Variants in SYN2 observed in about 807,000 individuals in gnomAD.
SYN2 encodes the protein synapsin-2.
In SYN2, 19 loss-of-function variants were observed where a neutral mutation model predicts 50.9. The ratio of observed to expected loss-of-function variants is 0.37; its 90% CI spans 0.26 to 0.55. The LOEUF is 0.55. Ranked by LOEUF, SYN2 falls within the 20% of genes least tolerant of loss-of-function variation. The pLI, the probability that SYN2 is intolerant of heterozygous loss-of-function variation, is 0.81. For missense variants in SYN2, 587 were observed against 576.4 expected, an observed-to-expected ratio of 1.02 and a Z score of -0.19; for synonymous variants, 255 against 224.9, an observed-to-expected ratio of 1.13 and a Z score of -1.20.
At chr3:12,155,357 A>G (rs907767958) in intron 5 of SYN2, among the ~76,000 whole-genome samples, 2 of 152,226 alleles carry the variant, frequency 1.3e-5, no homozygotes, top group Non-Finnish European at 2.9e-5. Context: ...ATTTCCATCT[A>G]TGGAAGGAGT....
Position 12,187,419 on chromosome 3 carries a change from C to G in SYN2, c.1420C>G (p.Pro474Ala). 1.3e-6 allele frequency: 2 copies of G among 1,551,922 alleles called. No homozygotes were observed. Among genetic ancestry groups the G allele is most frequent in the Non-Finnish European group, 1.7e-6 (2 of 1,146,906 alleles). ...GCAGCCCCCAGGCAAGGTGCTGCCT[C>G]CACGCCGGCTCCCCCCTGGACCATC... ...GMQPPGKVLP[P>A]RRLPPGPSLP... Residue 474 changes from proline (P) to alanine (A), a missense_variant, in exon 12 of 13, where the codon CCA (proline) becomes GCA (alanine). Coordinates refer to ENST00000621198, the MANE Select transcript of SYN2 (RefSeq NM_133625.6).
intron 5 of SYN2, chr3:12,157,315 C>G: frequency 1.4e-6 from 2 of 1,469,944 alleles, no homozygotes; most frequent in Admixed American, 3.6e-5. Context: ...GCTACCAGCC[C>G]TCCCAGAACA....
chr3:12,113,023 C>T (rs1290346487), intron 1 of SYN2, among the ~76,000 whole-genome samples: 2 of 152,100 alleles, frequency 1.3e-5, no homozygotes, highest in African/African-American at 2.4e-5. Flanking sequence ...AGTGCCTGTT[C>T]TTTTGAGTGA....
intron 5 of SYN2, chr3:12,156,823 T>A: frequency 1.2e-6 from 2 of 1,613,498 alleles, no homozygotes; most frequent in South Asian, 2.2e-5. Context: ...AACTTACCAG[T>A]CAAGAGATAC....
intron 1 of SYN2, among the ~76,000 whole-genome samples, chr3:12,135,033 C>T (rs1696865198): frequency 6.6e-6 from 1 of 152,192 alleles, no homozygotes; most frequent in Admixed American, 6.5e-5. Context: ...GCCAGCTATC[C>T]AGCTTCTTTG....
At chr3:12,018,364 G>A (rs192883025) in intron 1 of SYN2, among the ~76,000 whole-genome samples, 56 of 152,310 alleles carry the variant, frequency 3.7e-4, no homozygotes, top group Non-Finnish European at 7.5e-4. Context: ...GCAGGGAAAG[G>A]AAGAAGTTTG....
At chr3:12,146,273 A>G (rs1697149112) in intron 4 of SYN2, among the ~76,000 whole-genome samples, 1 of 152,226 alleles carries the variant, frequency 6.6e-6, no homozygotes, top group African/African-American at 2.4e-5. Flanking sequence ...GAATAGTCCA[A>G]CTCAGGTAGT....
At chr3:12,154,326 C>T (rs751326764) in intron 5 of SYN2, 4 of 1,614,098 alleles carry the variant, frequency 2.5e-6, no homozygotes, top group Middle Eastern at 1.6e-4. Flanking sequence ...CATTCCCTTA[C>T]TTGGCAGCCA....
chr3:12,023,210 A>G (rs1410358338), intron 1 of SYN2, among the ~76,000 whole-genome samples: 1 of 152,328 alleles, frequency 6.6e-6, no homozygotes, highest in East Asian at 1.9e-4. Flanking sequence ...AATAAAAAAA[A>G]AAATCATTGT....
At chr3:12,033,202 G>A (rs1694417625) in intron 1 of SYN2, among the ~76,000 whole-genome samples, 1 of 151,978 alleles carries the variant, frequency 6.6e-6, no homozygotes, top group Non-Finnish European at 1.5e-5. Flanking sequence ...CGGGGGTCAG[G>A]GGTCAGGGAC....
At chr3:12,027,221 T>C (rs895723349) in intron 1 of SYN2, among the ~76,000 whole-genome samples, 7 of 152,186 alleles carry the variant, frequency 4.6e-5, no homozygotes, top group African/African-American at 1.7e-4. Context: ...GATCTCCTCA[T>C]TCTGTCTCCG....
chr3:12,071,893 C>G (rs1191422066), intron 1 of SYN2, among the ~76,000 whole-genome samples: 10 of 152,204 alleles, frequency 6.6e-5, no homozygotes, highest in African/African-American at 2.2e-4. Context: ...GGGCTGTTAA[C>G]TTGCCTTGAG....
chr3:12,102,315 T>G (rs1299604192), intron 1 of SYN2, among the ~76,000 whole-genome samples: 1 of 152,150 alleles, frequency 6.6e-6, no homozygotes, highest in Non-Finnish European at 1.5e-5. Flanking sequence ...ATAATAAATA[T>G]TATTCAGATA....
At chr3:12,154,460 G>A (rs750903660) in intron 5 of SYN2, 46 of 1,613,722 alleles carry the variant, frequency 2.9e-5, no homozygotes, top group Non-Finnish European at 3.6e-5. Context: ...ACCTTCAAGG[G>A]GAGATGGAGG....
At chr3:12,049,786 C>T (rs949365192) in intron 1 of SYN2, among the ~76,000 whole-genome samples, 2 of 152,156 alleles carry the variant, frequency 1.3e-5, no homozygotes, top group Non-Finnish European at 2.9e-5. Context: ...CCACATCTGC[C>T]TGGGTGGTTG....
At chr3:12,113,069 C>T (rs572858725) in intron 1 of SYN2, among the ~76,000 whole-genome samples, 3 of 152,278 alleles carry the variant, frequency 2.0e-5, no homozygotes, top group African/African-American at 7.2e-5. Context: ...TGTGCACGTT[C>T]TAGGCCCCGT....
At chr3:12,183,680 G>A (rs947443389) in intron 11 of SYN2, 2 of 1,327,336 alleles carry the variant, frequency 1.5e-6, no homozygotes, top group Admixed American at 3.8e-5. Context: ...AGGGCTGTTT[G>A]TCAACAGTAT....
At chr3:12,012,332 AAG>A (rs1447985092) in intron 1 of SYN2, among the ~76,000 whole-genome samples, 3 of 152,334 alleles carry the variant, frequency 2.0e-5, no homozygotes, top group Admixed American at 6.5e-5. Flanking sequence ...AAAATGAAGG[AAG>A]AGAGAAATAC....
chr3:12,014,219 T>C (rs1437129925), intron 1 of SYN2, among the ~76,000 whole-genome samples: 3 of 152,184 alleles, frequency 2.0e-5, no homozygotes, highest in Non-Finnish European at 4.4e-5. Flanking sequence ...GCATCCAGCA[T>C]AGGGCTTGAC....
Sources: allele counts gnomAD v4.1 joint callset (sites outside exome capture counted in the v4.1 genomes callset), GRCh38; gene constraint gnomAD v4.1.1; transcripts MANE v1.5; gene names NCBI Gene and HGNC (gene_info 2026-07-23, HGNC 2026-07-21).